RTL4: variants seen among roughly 807,000 people sequenced by gnomAD.
RTL4 encodes retrotransposon Gag-like protein 4.
Under a neutral mutation model 5.3 loss-of-function variants are expected in RTL4, and 4 were observed. That is an observed-to-expected ratio of 0.75 (90% confidence interval 0.37 to 1.72). RTL4 has a LOEUF of 1.72. Among genes scored for constraint, RTL4 ranks in the 40% most tolerant of loss-of-function variants. The probability of loss-of-function intolerance (pLI) is 0.04; values close to 1 mark genes in which losing one functional copy is unlikely to be tolerated. For missense variants in RTL4, 260 were observed against 227.1 expected (o/e 1.14, Z -0.93); for synonymous variants, 98 against 87.3 (o/e 1.12, Z -0.68).
At chrX:112,113,180 T>C in the RTL4 span, among the ~76,000 whole-genome samples, 2 of 110,763 alleles carry the variant, frequency 1.8e-5, no homozygotes, top group Admixed American at 1.9e-4. Flanking sequence ...TGGGGTCTTT[T>C]AGCCTGATTT....
At chrX:112,180,826 C>A in the RTL4 span, among the ~76,000 whole-genome samples, 1 of 112,496 alleles carries the variant, frequency 8.9e-6, no homozygotes, top group East Asian at 2.8e-4. Flanking sequence ...ATAAACTTAG[C>A]CATGCTACAT....
chrX:112,389,249 C>A, the RTL4 span, among the ~76,000 whole-genome samples: 239 of 107,614 alleles, frequency 2.2e-3, 2 homozygotes, highest in East Asian at 0.032. Context: ...ACATTTCCTT[C>A]ATCATTTCTA....
At chrX:112,387,492 G>A in the RTL4 span, among the ~76,000 whole-genome samples, 4 of 110,255 alleles carry the variant, frequency 3.6e-5, no homozygotes, top group African/African-American at 1.3e-4. Flanking sequence ...GACCCAGAAG[G>A]GCAATAAAAA....
chrX:112,204,686 G>T, the RTL4 span, among the ~76,000 whole-genome samples: 1 of 111,673 alleles, frequency 9.0e-6, no homozygotes, highest in East Asian at 2.8e-4. Flanking sequence ...GTAGTGAGGG[G>T]TTGCAAGGGA....
the RTL4 span, among the ~76,000 whole-genome samples, chrX:112,105,617 T>C: frequency 9.0e-6 from 1 of 111,301 alleles, no homozygotes; most frequent in Non-Finnish European, 1.9e-5. Flanking sequence ...CTTGGTTACA[T>C]TGATTCCTAA....
the RTL4 span, among the ~76,000 whole-genome samples, chrX:112,448,905 A>G: frequency 8.9e-6 from 1 of 112,315 alleles, no homozygotes; most frequent in African/African-American, 3.2e-5. Context: ...CTGTACACAC[A>G]GACCATGAAG....
the RTL4 span, among the ~76,000 whole-genome samples, chrX:112,108,762 G>A: frequency 9.0e-6 from 1 of 111,557 alleles, no homozygotes; most frequent in East Asian, 2.8e-4. Flanking sequence ...GCTGAGTGCT[G>A]TTTGAAACCT....
the RTL4 span, among the ~76,000 whole-genome samples, chrX:112,161,836 C>CTTTCTTTCTTT: frequency 0.035 from 1,215 of 34,509 alleles, 92 homozygotes; most frequent in Non-Finnish European, 0.045. Context: ...TTCCTTCCTT[C>CTTTCTTTCTTT]CTTCCTTCCT....
chrX:112,103,799 G>T, the RTL4 span, among the ~76,000 whole-genome samples: 1 of 109,267 alleles, frequency 9.2e-6, no homozygotes, highest in Non-Finnish European at 1.9e-5. Context: ...TGTATTTATT[G>T]TTTACAACAT....
At chrX:112,435,910 T>C in the RTL4 span, among the ~76,000 whole-genome samples, 1 of 112,094 alleles carries the variant, frequency 8.9e-6, no homozygotes, top group East Asian at 2.8e-4. Flanking sequence ...GTTTTGCTTA[T>C]TGATTGATTC....
At chrX:112,397,902 T>C in the RTL4 span, among the ~76,000 whole-genome samples, 1 of 111,960 alleles carries the variant, frequency 8.9e-6, no homozygotes, top group Non-Finnish European at 1.9e-5. Flanking sequence ...TTCCTTGGGA[T>C]TTTTTACCTG....
At chrX:112,277,136 G>T in the RTL4 span, among the ~76,000 whole-genome samples, 2 of 111,470 alleles carry the variant, frequency 1.8e-5, no homozygotes, top group Non-Finnish European at 1.9e-5. Flanking sequence ...TCCAGGGAAA[G>T]CTTCTGAGGT....
the RTL4 span, among the ~76,000 whole-genome samples, chrX:112,235,865 A>C: frequency 9.0e-5 from 10 of 111,439 alleles, no homozygotes; most frequent in Non-Finnish European, 1.5e-4. Flanking sequence ...ATATTGGGAA[A>C]TCTCAGCTCC....
the RTL4 span, among the ~76,000 whole-genome samples, chrX:112,369,359 C>T: frequency 9.0e-6 from 1 of 111,671 alleles, no homozygotes; most frequent in African/African-American, 3.3e-5. Flanking sequence ...CTCTCACCCT[C>T]AGGCTTGGAC....
the RTL4 span, among the ~76,000 whole-genome samples, chrX:112,434,287 G>T: frequency 2.8e-5 from 3 of 109,055 alleles, no homozygotes; most frequent in Non-Finnish European, 3.8e-5. Flanking sequence ...TCTATTGATT[G>T]GAATAGTTTC....
At chrX:112,083,146 C>T in the RTL4 span, among the ~76,000 whole-genome samples, 1 of 112,116 alleles carries the variant, frequency 8.9e-6, no homozygotes, top group Non-Finnish European at 1.9e-5. Flanking sequence ...CGTTTGTTTG[C>T]TTCCCCAGAC....
At chrX:112,359,942 T>C in the RTL4 span, among the ~76,000 whole-genome samples, 2 of 111,522 alleles carry the variant, frequency 1.8e-5, no homozygotes, top group Non-Finnish European at 3.8e-5. Flanking sequence ...GAAGATCTTG[T>C]AGAAATATGG....
the RTL4 span, among the ~76,000 whole-genome samples, chrX:112,170,958 C>T: frequency 9.0e-6 from 1 of 111,380 alleles, no homozygotes; most frequent in Admixed American, 9.6e-5. Flanking sequence ...TAACATGAAG[C>T]ATGTTGAATT....
chrX:112,408,618 C>T, the RTL4 span, among the ~76,000 whole-genome samples: 1 of 111,485 alleles, frequency 9.0e-6, no homozygotes, highest in African/African-American at 3.3e-5. Context: ...ATATCAGAGG[C>T]ATTCCCAAAC....
Sources: gnomAD v4.1 joint callset for allele counts (sites outside exome capture counted in the v4.1 genomes callset) on GRCh38, gnomAD v4.1.1 for gene constraint, MANE v1.5 for transcripts, NCBI Gene and HGNC (gene_info 2026-07-23, HGNC 2026-07-21) for gene names.